Variants in NNT observed in about 807,000 individuals in gnomAD.
The protein encoded by NNT is NAD(P) transhydrogenase, mitochondrial.
In NNT, 50 loss-of-function variants were observed where a neutral mutation model predicts 104.8. The observed-to-expected ratio is 0.48, with a 90% CI of 0.38 to 0.60. The LOEUF is 0.60. Ranked by LOEUF, NNT falls within the 20% of genes least tolerant of loss-of-function variation. The pLI is 0.00. For synonymous variants in NNT, 461 were observed against 490.4 expected, an observed-to-expected ratio of 0.94 and a Z score of 0.79; for missense variants, 1,131 against 1,330.7, an observed-to-expected ratio of 0.85 and a Z score of 2.33.
chr5:43,609,389 A>G, intron 2 of NNT, 43 bp downstream of exon 2: 4 of 1,580,416 alleles, frequency 2.5e-6, no homozygotes, highest in Non-Finnish European at 3.5e-6. Flanking sequence ...CCTTCAAGTC[A>G]TAGGAACTAA....
chr5:43,629,090 T>A (rs758525456), intron 7 of NNT, among the ~76,000 whole-genome samples: 23 of 152,202 alleles, frequency 1.5e-4, no homozygotes, highest in Non-Finnish European at 3.4e-4. Context: ...TTCTGAGATT[T>A]TGGTGCACCT....
intron 10 of NNT, among the ~76,000 whole-genome samples, chr5:43,648,697 G>T (rs908060423): frequency 5.9e-5 from 9 of 152,108 alleles, no homozygotes; most frequent in Non-Finnish European, 1.2e-4. Flanking sequence ...CCAAATCTGA[G>T]AGTGACATAA....
At chr5:43,647,835 T>C in intron 10 of NNT, 2 of 451,970 alleles carry the variant, frequency 4.4e-6, no homozygotes. Context: ...TAGTGACTCC[T>C]AGGCATTGTG....
chr5:43,693,235 G>T (rs1004817762), intron 19 of NNT, among the ~76,000 whole-genome samples: 6 of 152,064 alleles, frequency 3.9e-5, no homozygotes, highest in Admixed American at 2.0e-4. Flanking sequence ...CAAATTCCTG[G>T]TGATCAGTAG....
chr5:43,694,715 C>G (rs1742465895), intron 19 of NNT, among the ~76,000 whole-genome samples: 1 of 147,788 alleles, frequency 6.8e-6, no homozygotes, highest in African/African-American at 2.5e-5. Context: ...CATCAATGTT[C>G]ATCAAGGATA....
At chr5:43,615,740 T>G (rs1749750877) in intron 3 of NNT, 108 bp from the exon 4 acceptor site, 1 of 836,698 alleles carries the variant, frequency 1.2e-6, no homozygotes, top group Admixed American at 2.9e-5. Context: ...GAAGATTTAT[T>G]TCTGGAGTAT....
At chr5:43,684,439 G>T (rs1284854028) in intron 19 of NNT, among the ~76,000 whole-genome samples, 2 of 152,078 alleles carry the variant, frequency 1.3e-5, no homozygotes, top group African/African-American at 4.8e-5. Context: ...GAAGGATTTT[G>T]GTGGTTTTAG....
At chr5:43,657,900 C>T (rs1034104828) in intron 16 of NNT, among the ~76,000 whole-genome samples, 1 of 151,930 alleles carries the variant, frequency 6.6e-6, no homozygotes, top group Non-Finnish European at 1.5e-5. Context: ...TTTGGGAGGC[C>T]GAGGTGGGTG....
intron 19 of NNT, among the ~76,000 whole-genome samples, chr5:43,681,382 T>G (rs1741708657): frequency 6.6e-6 from 1 of 152,074 alleles, no homozygotes; most frequent in South Asian, 2.1e-4. Context: ...TGAACAACTT[T>G]CAACTTATTT....
At chr5:43,642,866 A>G (rs1318905057) in intron 7 of NNT, among the ~76,000 whole-genome samples, 1 of 151,810 alleles carries the variant, frequency 6.6e-6, no homozygotes, top group Non-Finnish European at 1.5e-5. Context: ...ACAGAATTGA[A>G]AGCTTTCAGA....
chr5:43,669,099 A>G (rs891966613), intron 17 of NNT, among the ~76,000 whole-genome samples: 3 of 152,150 alleles, frequency 2.0e-5, no homozygotes, highest in Non-Finnish European at 2.9e-5. Context: ...ATTGGTGTAT[A>G]AGACTGCTTG....
chr5:43,704,210 G>A, intron 21 of NNT, 45 bp from the exon 22 acceptor site: 2 of 1,502,326 alleles, frequency 1.3e-6, no homozygotes, highest in African/African-American at 2.9e-5. Flanking sequence ...CATGTCCTAG[G>A]TTGGTCTGTT....
intron 19 of NNT, among the ~76,000 whole-genome samples, chr5:43,678,241 T>C (rs1741523987): frequency 6.6e-6 from 1 of 152,188 alleles, no homozygotes; most frequent in Non-Finnish European, 1.5e-5. Flanking sequence ...GAAGAAAATC[T>C]GTGGATAAGT....
At chr5:43,641,731 C>G (rs773654659) in intron 7 of NNT, among the ~76,000 whole-genome samples, 21 of 151,988 alleles carry the variant, frequency 1.4e-4, no homozygotes, top group Non-Finnish European at 2.8e-4. Flanking sequence ...TATAGTGATA[C>G]CCTTCAGTCT....
chr5:43,668,034 T>C (rs1228304129), intron 17 of NNT, among the ~76,000 whole-genome samples: 2 of 152,246 alleles, frequency 1.3e-5, no homozygotes, highest in African/African-American at 4.8e-5. Context: ...GATGAACATT[T>C]TTTCATGTGT....
At chr5:43,608,978 A>G (rs1432202744) in intron 1 of NNT, among the ~76,000 whole-genome samples, 165 bp from the exon 2 acceptor site, 4 of 152,234 alleles carry the variant, frequency 2.6e-5, no homozygotes, top group African/African-American at 9.6e-5. Flanking sequence ...AATTTTGAGC[A>G]TCTTCTATAA....
At chr5:43,621,527 A>G (rs1750091275) in intron 5 of NNT, among the ~76,000 whole-genome samples, 1 of 151,896 alleles carries the variant, frequency 6.6e-6, no homozygotes, top group Non-Finnish European at 1.5e-5. Context: ...TCAAATAAAT[A>G]CCTGAGATAA....
intron 16 of NNT, among the ~76,000 whole-genome samples, chr5:43,657,756 G>T (rs1458843337): frequency 2.0e-5 from 3 of 152,098 alleles, no homozygotes; most frequent in Non-Finnish European, 4.4e-5. Context: ...TATTGCACTG[G>T]TTTTTGTTTT....
chr5:43,662,187 G>T (rs543400397), intron 17 of NNT, among the ~76,000 whole-genome samples: 1 of 152,172 alleles, frequency 6.6e-6, no homozygotes, highest in South Asian at 2.1e-4. Flanking sequence ...CCACATTTCT[G>T]TCTGTGTCTC....
Sources: allele counts gnomAD v4.1 joint callset (sites outside exome capture counted in the v4.1 genomes callset), GRCh38; gene constraint gnomAD v4.1.1; transcripts MANE v1.5; gene names NCBI Gene and HGNC (gene_info 2026-07-23, HGNC 2026-07-21).